The following EBF3 variants were observed in gnomAD, a reference collection of about 807,000 sequenced individuals.
EBF3 encodes transcription factor COE3.
In EBF3, 18 loss-of-function variants were observed where a neutral mutation model predicts 77.1. The observed-to-expected ratio is 0.23, with a 90% CI of 0.16 to 0.35. The LOEUF is 0.35. Ranked by LOEUF, EBF3 falls within the 10% of genes least tolerant of loss-of-function variation. EBF3 has a pLI of 1.00. For synonymous variants in EBF3, 350 were observed against 343.5 expected, an observed-to-expected ratio of 1.02 and a Z score of -0.21; for missense variants, 558 against 860.0, an observed-to-expected ratio of 0.65 and a Z score of 4.39.
rs1490671208 is a variant in EBF3 at position 129,935,879 on chromosome 10, G to T, written c.554+21379C>A. On this transcript the variant is annotated intron_variant, in intron 6 of 16. Transcript: ENST00000440978. This position sits in a 1 kb window ranked among gnomAD's most constrained non-coding sequence, Gnocchi z 4.2. ...AGCGGCCACGATCAGCCACAGGCAG[G>T]CATGGACAAAGGAATGGCCGGGGAA... Among the ~76,000 whole-genome samples the T allele has an allele frequency of 6.6e-6, 1 of 152,124 alleles. No homozygotes were observed. Among genetic ancestry groups the T allele is most frequent in the Non-Finnish European group, 1.5e-5 (1 of 68,028 alleles).
intron 11 of EBF3, among the ~76,000 whole-genome samples, chr10:129,846,365 G>A (rs1007899799): frequency 6.6e-6 from 1 of 151,836 alleles, no homozygotes; most frequent in African/African-American, 2.4e-5. Context: ...CAAAAAAATT[G>A]CTGCAAAAAT....
At chr10:129,913,940 A>G (rs2134309009) in intron 6 of EBF3, among the ~76,000 whole-genome samples, 1 of 152,238 alleles carries the variant, frequency 6.6e-6, no homozygotes, top group East Asian at 1.9e-4. Flanking sequence ...TCCGAATGGA[A>G]CTCCACCTGA....
Position 129,861,123 on chromosome 10 carries a change from G to A in EBF3, c.1039+6018C>T, listed in dbSNP as rs1589727493. On this transcript the variant is annotated intron_variant, in intron 10 of 16. Transcript: ENST00000440978. The surrounding 1 kb of genome is among the most constrained non-coding windows in gnomAD (Gnocchi z 4.3). ...TCTCACCCCAGCACCCACTTAGCAT[G>A]CTGGCAGATTAACTGATCATGGTTT... is the stretch of plus-strand genomic sequence containing the variant. 1.3e-5 allele frequency among the ~76,000 whole-genome samples: 2 copies of A among 152,216 alleles called. No individual in the cohort carries two copies. The highest frequency in any genetic ancestry group is 3.9e-4 in the East Asian group (2 of 5,176).
In EBF3 at chr10:129,842,385, G is replaced by A; in HGVS notation, c.1195-92C>T. On this transcript the variant is annotated intron_variant, in intron 12 of 16. Transcript: ENST00000440978. The surrounding 1 kb of genome is among the most constrained non-coding windows in gnomAD (Gnocchi z 4.4). The stretch of plus-strand genomic sequence containing the variant: ...GGGCCCACCATGGTGGCATCCCACT[G>A]TCCCTTGCCCAGACCATGACCAAAT... 3 of 1,432,074 alleles carry A rather than the reference G, an allele frequency of 2.1e-6. No individual in the cohort carries two copies. The highest frequency in any genetic ancestry group is 2.3e-5 in the Admixed American group (1 of 42,962). The allele number at this position is 1,432,074 out of a possible 1,614,324, so 88.7% of individuals were successfully genotyped here.
intron 6 of EBF3, among the ~76,000 whole-genome samples, chr10:129,919,409 G>C (rs141831828): frequency 6.6e-5 from 10 of 152,214 alleles, no homozygotes; most frequent in African/African-American, 2.4e-4. Context: ...GGAAGGTGAC[G>C]AGGCCAGAGA....
At chr10:129,909,203 T>C (rs542413608) in intron 6 of EBF3, among the ~76,000 whole-genome samples, 2 of 152,182 alleles carry the variant, frequency 1.3e-5, no homozygotes, top group Non-Finnish European at 1.5e-5. Context: ...ATGGCTGCCC[T>C]GGATGGAAGA....
chr10:129,850,583 G>A (rs983380138), intron 10 of EBF3, among the ~76,000 whole-genome samples: 1 of 152,196 alleles, frequency 6.6e-6, no homozygotes, highest in Non-Finnish European at 1.5e-5. Context: ...AGGGGCTGGG[G>A]CTGCCATTCC....
intron 10 of EBF3, among the ~76,000 whole-genome samples, chr10:129,852,929 C>T (rs1475099791): frequency 6.6e-6 from 1 of 152,216 alleles, no homozygotes; most frequent in African/African-American, 2.4e-5. Flanking sequence ...GCAGAGGGAA[C>T]TGCTGCAAGG....
At chr10:129,924,430 CAA>C (rs956215243) in intron 6 of EBF3, among the ~76,000 whole-genome samples, 19 of 108,432 alleles carry the variant, frequency 1.8e-4, no homozygotes, top group Non-Finnish European at 2.3e-4. Context: ...ACAACAACAA[CAA>C]AAAAAAAAAA....
Position 129,943,614 on chromosome 10 carries a change from C to T in EBF3, c.554+13644G>A, listed in dbSNP as rs1050159596. Among the ~76,000 whole-genome samples, 3 of 152,042 alleles carry T rather than the reference C, an allele frequency of 2.0e-5. No individual in the cohort carries two copies. The highest frequency in any genetic ancestry group is 4.4e-5 in the Non-Finnish European group (3 of 68,032). ...AGCCGGGCTTGGGAACAAGACAGGT[C>T]CCCGGCGTGCACATCCAAAGTTTGA... On this transcript the variant is annotated intron_variant, in intron 6 of 16. Transcript: ENST00000440978. This position sits in a 1 kb window ranked among gnomAD's most constrained non-coding sequence, Gnocchi z 8.8.
chr10:129,854,906 T>C (rs1851142745), intron 10 of EBF3, among the ~76,000 whole-genome samples: 1 of 152,242 alleles, frequency 6.6e-6, no homozygotes, highest in Non-Finnish European at 1.5e-5. Context: ...GGGGCCGGCC[T>C]GGCTCCCCAG....
In EBF3 at chr10:129,964,158, A is replaced by AACGGGGCAGTGAGTGCT. The variant is rs1447912308; in HGVS notation, c.-407_-391dup. The AACGGGGCAGTGAGTGCT allele has an allele frequency of 1.0e-6, 1 of 984,684 alleles. No individual in the cohort carries two copies. Among genetic ancestry groups the AACGGGGCAGTGAGTGCT allele is most frequent in the Non-Finnish European group, 1.2e-6 (1 of 829,734 alleles). The allele number at this position is 984,684 out of a possible 1,614,324, so 61.0% of individuals were successfully genotyped here. A position where few individuals can be genotyped will look rare whatever the true frequency, so the allele number is the denominator to read the frequency against. Reference sequence around the variant, plus strand: ...GGCCCGCCTGCTCCAAAGACAAATAAACGGGGCAGTGAGTGCTGCGGCGCA... The same window carrying AACGGGGCAGTGAGTGCT: ...GGCCCGCCTGCTCCAAAGACAAATAAACGGGGCAGTGAGTGCTACGGGGCAGTGAGTGCTGCGGCGCA... On this transcript the variant is annotated 5_prime_UTR_variant, in exon 1 of 17. Coordinates refer to ENST00000440978, the MANE Select transcript of EBF3 (RefSeq NM_001375380.1). The surrounding 1 kb of genome is among the most constrained non-coding windows in gnomAD (Gnocchi z 4.5).
At position 129,916,246 on chromosome 10, in the gene EBF3, C is replaced by CA. The variant is rs1170951592; in HGVS notation, c.555-38398dup. On this transcript the variant is annotated intron_variant, in intron 6 of 16. Transcript: ENST00000440978. ...GCCTCCCTGGCAGGGGTGAGACCAC[C>CA]AGGCCCAGGTGCACCACATGCCCAC... Among the ~76,000 whole-genome samples the CA allele has an allele frequency of 9.2e-5, 14 of 152,324 alleles. No individual in the cohort carries two copies. In the East Asian group the frequency reaches 2.7e-3, roughly 29 times the overall value.
chr10:129,868,038 G>A (rs367926964), intron 8 of EBF3, 126 bp from the exon 9 acceptor site: 61 of 1,298,972 alleles, frequency 4.7e-5, no homozygotes, highest in East Asian at 1.2e-4. Context: ...CAGGCGGCAC[G>A]CAAAGGGCAA....
intron 6 of EBF3, among the ~76,000 whole-genome samples, chr10:129,896,494 G>C (rs936088345): frequency 2.1e-4 from 32 of 152,228 alleles, no homozygotes; most frequent in Non-Finnish European, 4.0e-4. Context: ...CTGGCTGGAC[G>C]GGGCGGGGGC....
At position 129,943,618 on chromosome 10, in the gene EBF3, G is replaced by A. The variant is rs138719627; in HGVS notation, c.554+13640C>T. ...GGGCTTGGGAACAAGACAGGTCCCC[G>A]GCGTGCACATCCAAAGTTTGAGTGT... On this transcript the variant is annotated intron_variant, in intron 6 of 16. Transcript: ENST00000440978. This position sits in a 1 kb window ranked among gnomAD's most constrained non-coding sequence, Gnocchi z 8.8. Among the ~76,000 whole-genome samples the A allele has an allele frequency of 7.9e-4, 120 of 152,278 alleles. No individual in the cohort carries two copies. Among genetic ancestry groups the A allele is most frequent in the Middle Eastern group, 3.4e-3 (1 of 294 alleles).
Position 129,836,672 on chromosome 10 carries a change from TCAGCTTAACGAAA to T in EBF3, c.*1258_*1270del, listed in dbSNP as rs1369835935. The stretch of plus-strand genomic sequence containing the variant: ...ACAAATGAAATGTAAAGACACTGGT[TCAGCTTAACGAAA>T]CAGATCAAAGAGACAAGTTCTTGGC... On this transcript the variant is annotated 3_prime_UTR_variant, in exon 17 of 17. Coordinates refer to ENST00000440978, the MANE Select transcript of EBF3 (RefSeq NM_001375380.1). 1.4e-4 allele frequency: 21 copies of T among 152,062 alleles called. No individual in the cohort carries two copies. The highest frequency in any genetic ancestry group is 2.9e-4 in the Non-Finnish European group (20 of 67,992). 9.4% of individuals were successfully genotyped at this position (152,062 alleles called of 1,614,324 possible). A position where few individuals can be genotyped will look rare whatever the true frequency, so the allele number is the denominator to read the frequency against.
At chr10:129,881,370 A>G (rs1294905087) in intron 6 of EBF3, among the ~76,000 whole-genome samples, 3 of 152,314 alleles carry the variant, frequency 2.0e-5, no homozygotes, top group Non-Finnish European at 4.4e-5. Context: ...CTAAAGAGTC[A>G]TCATCTTTCA....
In EBF3 at chr10:129,886,573, G is replaced by A. The variant is rs534270690; in HGVS notation, c.555-8724C>T. On this transcript the variant is annotated intron_variant, in intron 6 of 16. Transcript: ENST00000440978. ...GTTAAAATCTCAGTAAACCCTGCTC[G>A]GCTCCCCACGCCACCAGGCAGCTGT... Among the ~76,000 whole-genome samples, 6 of 152,266 alleles carry A rather than the reference G, an allele frequency of 3.9e-5. No individual in the cohort carries two copies. In the South Asian group the frequency reaches 6.2e-4, roughly 16 times the overall value.
Sources: allele counts gnomAD v4.1 joint callset (sites outside exome capture counted in the v4.1 genomes callset), GRCh38; gene constraint gnomAD v4.1.1; non-coding constraint Gnocchi (gnomAD v3.1); transcripts MANE v1.5; gene names NCBI Gene and HGNC (gene_info 2026-07-23, HGNC 2026-07-21).